CSNK1E: variants seen among roughly 807,000 people sequenced by gnomAD.
CSNK1E encodes casein kinase I isoform epsilon.
A neutral mutation model predicts 46.1 loss-of-function variants in CSNK1E; 17 were observed. The ratio of observed to expected loss-of-function variants is 0.37; its 90% CI spans 0.25 to 0.55. The LOEUF (loss-of-function observed/expected upper bound fraction) is 0.55, where lower values mean the gene tolerates loss of function less well. Among genes scored for constraint, CSNK1E ranks in the 20% least tolerant of loss-of-function variants. CSNK1E has a pLI of 0.82. For missense variants in CSNK1E, 386 were observed against 595.4 expected, an observed-to-expected ratio of 0.65 and a Z score of 3.66; for synonymous variants, 241 against 242.6, an observed-to-expected ratio of 0.99 and a Z score of 0.06.
At chr22:38,295,048 C>T (rs776367042) in intron 7 of CSNK1E, among the ~76,000 whole-genome samples, 21 of 152,144 alleles carry the variant, frequency 1.4e-4, no homozygotes, top group Non-Finnish European at 2.2e-4. Flanking sequence ...CCAGCTCTCC[C>T]GGTACCTAGC....
At chr22:38,305,835 C>T (rs1189630952) in intron 2 of CSNK1E, among the ~76,000 whole-genome samples, 1 of 152,110 alleles carries the variant, frequency 6.6e-6, no homozygotes, top group Non-Finnish European at 1.5e-5. Context: ...GTGGAGGCGT[C>T]AACTGCTGAG....
At chr22:38,310,447 G>A (rs1006735023) in intron 2 of CSNK1E, among the ~76,000 whole-genome samples, 1 of 152,196 alleles carries the variant, frequency 6.6e-6, no homozygotes, top group Non-Finnish European at 1.5e-5. Context: ...CTGGAGGACA[G>A]GGGATGAAGC....
chr22:38,310,390 C>T (rs2092715837), intron 2 of CSNK1E, among the ~76,000 whole-genome samples: 1 of 152,128 alleles, frequency 6.6e-6, no homozygotes, highest in Non-Finnish European at 1.5e-5. Flanking sequence ...CGGGGGCCTA[C>T]TTGACACCTA....
chr22:38,299,569 A>ACTGG (rs1447796356), intron 6 of CSNK1E, among the ~76,000 whole-genome samples: 11 of 152,156 alleles, frequency 7.2e-5, no homozygotes, highest in African/African-American at 2.4e-4. Flanking sequence ...TGTCACCCAG[A>ACTGG]CTGGAGTGCA....
chr22:38,314,214 G>A (rs567809542), intron 1 of CSNK1E, 45 bp from the exon 2 acceptor site: 114 of 1,508,926 alleles, frequency 7.6e-5, no homozygotes, highest in Non-Finnish European at 9.6e-5. Context: ...GTGGGGAGCC[G>A]GGAAAGGGGT....
In CSNK1E at chr22:38,294,025, G is replaced by T; in HGVS notation, c.1218+84C>A. ...GCAAGCAGCGTCGATGGAAAGGGAA[G>T]AACAGAGCCACGGCCTGACCTCCCA... On this transcript the variant is annotated intron_variant, in intron 9 of 10. Coordinates refer to ENST00000396832, the MANE Select transcript of CSNK1E (RefSeq NM_152221.3). This position sits in a 1 kb window ranked among gnomAD's most constrained non-coding sequence, Gnocchi z 5.5. The T allele has an allele frequency of 6.7e-7, 1 of 1,491,398 alleles. No homozygotes were observed. The highest frequency in any genetic ancestry group is 1.2e-5 in the South Asian group (1 of 81,602). The allele number at this position is 1,491,398 out of a possible 1,614,324, so 92.4% of individuals were successfully genotyped here. A position where few individuals can be genotyped will look rare whatever the true frequency, so the allele number is the denominator to read the frequency against.
chr22:38,305,201 T>C (rs2092692823), intron 2 of CSNK1E, among the ~76,000 whole-genome samples: 1 of 149,224 alleles, frequency 6.7e-6, no homozygotes, highest in South Asian at 2.1e-4. Context: ...GCAACAAGAC[T>C]GGACAATACA....
chr22:38,297,477 G>C (rs2092647100), intron 7 of CSNK1E: 1 of 804,388 alleles, frequency 1.2e-6, no homozygotes, highest in South Asian at 5.0e-5. Context: ...TAGTGAACAA[G>C]AAACCCAGAG....
Position 38,303,659 on chromosome 22 carries a change from C to A in CSNK1E, c.77-411G>T, listed in dbSNP as rs2092685479. On this transcript the variant is annotated intron_variant, in intron 2 of 10. Transcript: ENST00000396832. The surrounding 1 kb of genome is among the most constrained non-coding windows in gnomAD (Gnocchi z 4.7). ...GGCCCAATGGGGCTGGGCTGCCGAA[C>A]ACACCAGAACAAGCCAGGACCACCC... Among the ~76,000 whole-genome samples, 1 of 152,172 alleles carries A rather than the reference C, an allele frequency of 6.6e-6. No individual in the cohort carries two copies. Among genetic ancestry groups the A allele is most frequent in the African/African-American group, 2.4e-5 (1 of 41,442 alleles).
intron 2 of CSNK1E, among the ~76,000 whole-genome samples, chr22:38,307,139 C>A (rs574902660): frequency 2.6e-5 from 4 of 152,174 alleles, no homozygotes; most frequent in African/African-American, 9.6e-5. Context: ...CCACCACACT[C>A]CAGCCTGGGT....
Position 38,293,983 on chromosome 22 carries a change from A to C in CSNK1E, c.1218+126T>G, listed in dbSNP as rs2092625639. ...ATGAGGCCAAGTCCTGGCTCTACAG[A>C]AGGGGTTCACTCCAAGGCAAGCAGC... On this transcript the variant is annotated intron_variant, in intron 9 of 10. Transcript: ENST00000396832. 4.4e-6 allele frequency: 5 copies of C among 1,148,414 alleles called. No homozygotes were observed. The East Asian group carries it at 1.3e-4, about 29-fold the overall frequency. 71.1% of individuals were successfully genotyped at this position (1,148,414 alleles called of 1,614,324 possible).
At chr22:38,316,268 G>A (rs1284546742) in intron 1 of CSNK1E, among the ~76,000 whole-genome samples, 2 of 152,152 alleles carry the variant, frequency 1.3e-5, no homozygotes, top group Non-Finnish European at 2.9e-5. Flanking sequence ...CTTGTCCCTC[G>A]GACGATTAAA....
Position 38,293,328 on chromosome 22 carries a change from G to A in CSNK1E, c.1219-9C>T, listed in dbSNP as rs1430080515. 1.2e-6 allele frequency: 2 copies of A among 1,601,604 alleles called. No homozygotes were observed. The highest frequency in any genetic ancestry group is 1.7e-5 in the Admixed American group (1 of 59,728). ...TCAAATGGCACACTTGTCTTTTGAGGGTGGGGAGGGAGAGAGGGGGAGGGA... is the reference window on the plus strand; with the variant it reads ...TCAAATGGCACACTTGTCTTTTGAGAGTGGGGAGGGAGAGAGGGGGAGGGA... On this transcript the variant is annotated splice_polypyrimidine_tract_variant and intron_variant, in intron 9 of 10. Transcript: ENST00000396832.
In CSNK1E at chr22:38,294,310, G is replaced by A; in HGVS notation, c.1078+32C>T. ...ACAAACAGAGCCCCCCACCCACCCT[G>A]AACCCAGCCCACTGCCTGAGTCCCT... On this transcript the variant is annotated intron_variant, in intron 8 of 10. Coordinates refer to ENST00000396832, the MANE Select transcript of CSNK1E (RefSeq NM_152221.3). This position sits in a 1 kb window ranked among gnomAD's most constrained non-coding sequence, Gnocchi z 5.5. 6.3e-7 allele frequency: 1 copy of A among 1,591,966 alleles called. No individual in the cohort carries two copies. The highest frequency in any genetic ancestry group is 8.5e-7 in the Non-Finnish European group (1 of 1,171,288).
Position 38,300,188 on chromosome 22 carries a change from C to G in CSNK1E, c.566-123G>C, listed in dbSNP as rs577612792. ...CTGCCCCCACGTCGGATGTTGCTCA[C>G]TGCACGCATTTTAAACAGGCACTGC... On this transcript the variant is annotated intron_variant, in intron 5 of 10. Transcript: ENST00000396832. This position sits in a 1 kb window ranked among gnomAD's most constrained non-coding sequence, Gnocchi z 4.4. 543 of 854,094 alleles carry G rather than the reference C, an allele frequency of 6.4e-4. 3 individuals are homozygous for G. The highest frequency in any genetic ancestry group is 2.5e-3 in the South Asian group (143 of 56,638). 52.9% of individuals were successfully genotyped at this position (854,094 alleles called of 1,614,324 possible).
intron 10 of CSNK1E, 106 bp downstream of exon 10, chr22:38,293,148 CA>C (rs1246579270): frequency 1.1e-6 from 1 of 891,030 alleles, no homozygotes; most frequent in Non-Finnish European, 1.9e-6. Context: ...TACCATCTGC[CA>C]CTGCCACTGC....
chr22:38,300,575 G>A lies in CSNK1E; in HGVS notation c.565+149C>T. The A allele has an allele frequency of 1.3e-6, 1 of 747,068 alleles. No homozygotes were observed. The allele number at this position is 747,068 out of a possible 1,614,324, so 46.3% of individuals were successfully genotyped here. A position where few individuals can be genotyped will look rare whatever the true frequency, so the allele number is the denominator to read the frequency against. On this transcript the variant is annotated intron_variant, in intron 5 of 10. Transcript: ENST00000396832. This position sits in a 1 kb window ranked among gnomAD's most constrained non-coding sequence, Gnocchi z 4.4. The stretch of plus-strand genomic sequence containing the variant: ...CCGACTGTGCAAGGACACGGAATAA[G>A]CACGAGCTTGGGGGCAGACGGGGTG...
intron 10 of CSNK1E, chr22:38,292,897 G>C (rs2092618741): frequency 3.3e-6 from 1 of 304,324 alleles, no homozygotes; most frequent in Non-Finnish European, 6.3e-6. Context: ...GGCTGAGACA[G>C]GGCTAATGCC....
intron 7 of CSNK1E, chr22:38,296,106 T>A: frequency 2.1e-6 from 2 of 967,726 alleles, no homozygotes; most frequent in Non-Finnish European, 2.5e-6. Context: ...CTGCCCTTTG[T>A]GAGCCCAGCA....
Sources: gnomAD v4.1 joint callset for allele counts (sites outside exome capture counted in the v4.1 genomes callset) on GRCh38, gnomAD v4.1.1 for gene constraint, Gnocchi (gnomAD v3.1) non-coding constraint, MANE v1.5 for transcripts, NCBI Gene and HGNC (gene_info 2026-07-23, HGNC 2026-07-21) for gene names.